The following ST18 variants were observed in gnomAD, a reference collection of about 807,000 sequenced individuals.
ST18 encodes the protein suppression of tumorigenicity 18 protein.
In ST18, 50 loss-of-function variants were observed where a neutral mutation model predicts 110.0. The ratio of observed to expected loss-of-function variants is 0.45; its 90% CI spans 0.36 to 0.58. ST18 has a LOEUF of 0.58. Ranked by LOEUF, ST18 falls within the 20% of genes least tolerant of loss-of-function variation. ST18 has a pLI of 0.00. For synonymous variants in ST18, 461 were observed against 452.4 expected (o/e 1.02, Z -0.24); for missense variants, 1,306 against 1,280.1 (o/e 1.02, Z -0.31).
chr8:52,359,936 T>G, intron 2 of ST18, among the ~76,000 whole-genome samples: 1 of 152,162 alleles, frequency 6.6e-6, no homozygotes, highest in East Asian at 1.9e-4. Flanking sequence ...TGCATCCATT[T>G]GAGATAAGAA....
intron 8 of ST18, among the ~76,000 whole-genome samples, chr8:52,206,131 A>G (rs1350260014): frequency 6.6e-6 from 1 of 152,106 alleles, no homozygotes; most frequent in East Asian, 1.9e-4. Flanking sequence ...GTCACAGGCC[A>G]GGTATAAAGC....
chr8:52,355,529 G>A (rs113699592), intron 2 of ST18, among the ~76,000 whole-genome samples: 1,724 of 152,338 alleles, frequency 0.011, 41 homozygotes, highest in African/African-American at 0.04. Context: ...ACAGAGGTGG[G>A]AACTCTAGGG....
chr8:52,149,740 C>T lies in ST18; in HGVS notation c.2044G>A (p.Glu682Lys), dbSNP rs186069877. The T allele has an allele frequency of 3.7e-5, 59 of 1,613,778 alleles. No homozygotes were observed. The East Asian group carries it at 5.8e-4, about 16-fold the overall frequency. ...ACATATGGAAACAATACCTCTTTCT[C>T]CTCCTCTGTCTTCCCGTGAGTTTTG... ...YSKTHGKTEE[E>K]KEKDPVSSLE... is the part of the protein sequence containing the mutation. The change falls in exon 16 of 26, where the codon GAG becomes AAG. Residue 682 changes from glutamate to lysine, a missense_variant. Glu to Lys is a moderately conservative substitution (Grantham distance 56). Transcript: ENST00000689386.
At chr8:52,137,576 T>C (rs1489514140) in intron 17 of ST18, 93 bp from the exon 18 acceptor site, 1 of 1,290,856 alleles carries the variant, frequency 7.7e-7, no homozygotes, top group African/African-American at 1.5e-5. Flanking sequence ...AGCTTCTCTG[T>C]GCGAGATAAG....
chr8:52,372,247 A>T (rs1830528154), intron 2 of ST18, among the ~76,000 whole-genome samples: 1 of 152,222 alleles, frequency 6.6e-6, no homozygotes, highest in Admixed American at 6.5e-5. Flanking sequence ...AAAATTTAAA[A>T]ATAGAAAAAA....
chr8:52,390,462 GA>G (rs1430946702), intron 2 of ST18, among the ~76,000 whole-genome samples: 1 of 152,142 alleles, frequency 6.6e-6, no homozygotes, highest in East Asian at 1.9e-4. Context: ...TTCTTTACAA[GA>G]AGGACCACAA....
chr8:52,336,383 T>G (rs1812077045), intron 2 of ST18, among the ~76,000 whole-genome samples: 1 of 152,114 alleles, frequency 6.6e-6, no homozygotes, highest in South Asian at 2.1e-4. Context: ...ACTCCTGGCA[T>G]CAAGTGATCT....
intron 2 of ST18, among the ~76,000 whole-genome samples, chr8:52,336,117 C>T (rs1811926873): frequency 6.6e-6 from 1 of 152,092 alleles, no homozygotes; most frequent in Non-Finnish European, 1.5e-5. Context: ...GATTCTTCAT[C>T]AATGTCCCCA....
At chr8:52,168,223 C>T (rs2063640609) in intron 10 of ST18, among the ~76,000 whole-genome samples, 1 of 148,482 alleles carries the variant, frequency 6.7e-6, no homozygotes, top group Non-Finnish European at 1.5e-5. Context: ...TCGGGGTCTG[C>T]AACATGAGGC....
At chr8:52,248,014 A>G (rs1378076095) in intron 2 of ST18, among the ~76,000 whole-genome samples, 2 of 152,192 alleles carry the variant, frequency 1.3e-5, no homozygotes, top group Non-Finnish European at 2.9e-5. Context: ...TTCTAAACAA[A>G]TTATATAAAC....
Position 52,124,154 on chromosome 8 carries a change from C to T in ST18, c.2755+1898G>A, listed in dbSNP as rs575780360. Among the ~76,000 whole-genome samples the T allele has an allele frequency of 4.4e-4, 67 of 151,428 alleles. No homozygotes were observed. In the South Asian group the frequency reaches 0.014, roughly 31 times the overall value. ...CTCCATCTTGCATTCTTATCTTCGA[C>T]TTTCCTTTGTCTCATTTTTGAATTA... On this transcript the variant is annotated intron_variant, in intron 23 of 25. Transcript: ENST00000689386.
At chr8:52,147,073 G>A (rs1456670108) in intron 16 of ST18, among the ~76,000 whole-genome samples, 1 of 152,154 alleles carries the variant, frequency 6.6e-6, no homozygotes, top group Non-Finnish European at 1.5e-5. Context: ...AATTCCAGAT[G>A]TCACAATACT....
At chr8:52,145,165 A>G (rs1480223137) in intron 16 of ST18, among the ~76,000 whole-genome samples, 1 of 152,040 alleles carries the variant, frequency 6.6e-6, no homozygotes, top group African/African-American at 2.4e-5. Context: ...TTTACAGATT[A>G]CCACAAGTTT....
At chr8:52,365,230 A>T (rs1827375836) in intron 2 of ST18, among the ~76,000 whole-genome samples, 4 of 132,986 alleles carry the variant, frequency 3.0e-5, no homozygotes. Flanking sequence ...AAATGCTGTG[A>T]TCTGAATGTC....
At chr8:52,140,387 G>A (rs556528577) in intron 17 of ST18, among the ~76,000 whole-genome samples, 2 of 152,220 alleles carry the variant, frequency 1.3e-5, no homozygotes, top group African/African-American at 2.4e-5. Flanking sequence ...AAAATTAGCC[G>A]GGTGTGGTGG....
chr8:52,386,718 C>T (rs957986970), intron 2 of ST18, among the ~76,000 whole-genome samples: 6 of 152,060 alleles, frequency 3.9e-5, no homozygotes, highest in South Asian at 4.2e-4. Context: ...ACTCTAGAGA[C>T]GTCAAAGCAT....
intron 10 of ST18, among the ~76,000 whole-genome samples, chr8:52,170,842 G>T (rs1587661709): frequency 6.6e-6 from 1 of 152,208 alleles, no homozygotes; most frequent in East Asian, 1.9e-4. Flanking sequence ...GTGCTAAAAT[G>T]GATTTAAAAT....
chr8:52,157,611 C>T lies in ST18; in HGVS notation c.1806+1287G>A, dbSNP rs571675076. Reference sequence around the variant, plus strand: ...GACTAGGAATCTTTTGAATTTGGATCGCCTGGTATACATATGCATGTATTT... The same window carrying T: ...GACTAGGAATCTTTTGAATTTGGATTGCCTGGTATACATATGCATGTATTT... On this transcript the variant is annotated intron_variant, in intron 15 of 25. Transcript: ENST00000689386. Among the ~76,000 whole-genome samples the T allele has an allele frequency of 5.6e-4, 86 of 152,304 alleles. 2 individuals are homozygous for T. In the South Asian group the frequency reaches 0.016, roughly 29 times the overall value.
intron 2 of ST18, among the ~76,000 whole-genome samples, chr8:52,402,813 G>A (rs1423523759): frequency 2.0e-5 from 3 of 152,158 alleles, no homozygotes; most frequent in South Asian, 2.1e-4. Context: ...AGGAAGGTGG[G>A]GCACGGCAGC....
Sources: gnomAD v4.1 joint callset for allele counts (sites outside exome capture counted in the v4.1 genomes callset) on GRCh38, gnomAD v4.1.1 for gene constraint, MANE v1.5 for transcripts, NCBI Gene and HGNC (gene_info 2026-07-23, HGNC 2026-07-21) for gene names.